The following CUX1 variants were observed in gnomAD, a reference collection of about 807,000 sequenced individuals.
CUX1 encodes the protein cut like homeobox 1.
CUX1 carries 31 observed loss-of-function variants against 158.8 expected under a neutral mutation model. The ratio of observed to expected loss-of-function variants is 0.20; its 90% CI spans 0.15 to 0.26. CUX1 has a LOEUF of 0.26. Among genes scored for constraint, CUX1 ranks in the 10% least tolerant of loss-of-function variants. CUX1 has a pLI of 1.00. For synonymous variants in CUX1, 879 were observed against 862.1 expected, an observed-to-expected ratio of 1.02 and a Z score of -0.34; for missense variants, 1,589 against 2,014.6, an observed-to-expected ratio of 0.79 and a Z score of 4.04.
intron 3 of CUX1, among the ~76,000 whole-genome samples, chr7:102,069,779 T>C (rs188627592): frequency 6.6e-6 from 1 of 152,302 alleles, no homozygotes; most frequent in East Asian, 1.9e-4. Flanking sequence ...AATTCTTTGC[T>C]CCTGGGATTT....
chr7:101,965,703 G>A lies in CUX1; in HGVS notation c.141+49478G>A, dbSNP rs1327340565. On this transcript the variant is annotated intron_variant, in intron 2 of 23. Transcript: ENST00000292535. ...TCTACTAAAAATACAAAAAAAATTA[G>A]CGGGGCGTGGTGGCAGGCGCCTGTA... Among the ~76,000 whole-genome samples, 4 of 151,682 alleles carry A rather than the reference G, an allele frequency of 2.6e-5. No homozygotes were observed. The East Asian group carries it at 5.8e-4, about 22-fold the overall frequency.
At chr7:101,820,099 G>C (rs1165354122) in intron 1 of CUX1, among the ~76,000 whole-genome samples, 1 of 152,202 alleles carries the variant, frequency 6.6e-6, no homozygotes, top group East Asian at 1.9e-4. Context: ...TGTGCTCTCT[G>C]ATTCCCTTCT....
chr7:102,096,685 G>A (rs376007372), intron 4 of CUX1, among the ~76,000 whole-genome samples: 6 of 152,230 alleles, frequency 3.9e-5, no homozygotes, highest in East Asian at 3.9e-4. Flanking sequence ...CAGCCTGGGC[G>A]ACAGAGTGAG....
chr7:101,857,772 T>C (rs529201948), intron 1 of CUX1, among the ~76,000 whole-genome samples: 7 of 152,138 alleles, frequency 4.6e-5, no homozygotes, highest in African/African-American at 1.7e-4. Flanking sequence ...GGGAATTTTT[T>C]TCCCCCCTTA....
chr7:101,987,391 G>A (rs1459699320), intron 2 of CUX1, among the ~76,000 whole-genome samples: 2 of 152,226 alleles, frequency 1.3e-5, no homozygotes, highest in Non-Finnish European at 1.5e-5. Flanking sequence ...TGGCGACAGT[G>A]ACTCAGCTTC....
At chr7:102,200,592 C>T (rs148680515) in intron 17 of CUX1, among the ~76,000 whole-genome samples, 3 of 152,032 alleles carry the variant, frequency 2.0e-5, no homozygotes. Flanking sequence ...CCTCCCACCT[C>T]GGCCTCCCAC....
intron 1 of CUX1, among the ~76,000 whole-genome samples, chr7:101,902,405 C>T (rs6465836): frequency 0.43 from 64,710 of 152,006 alleles, 14,395 homozygotes; most frequent in African/African-American, 0.52. Flanking sequence ...TCTACCCGCC[C>T]CAGCAAATAT....
intron 1 of CUX1, among the ~76,000 whole-genome samples, chr7:101,912,946 C>T (rs1472104763): frequency 6.6e-6 from 1 of 152,160 alleles, no homozygotes; most frequent in East Asian, 1.9e-4. Flanking sequence ...ATTTGGGACC[C>T]CCACCTCCAC....
intron 7 of CUX1, chr7:102,112,082 G>T: frequency 2.0e-5 from 4 of 202,128 alleles, no homozygotes; most frequent in Admixed American, 6.1e-5. Flanking sequence ...GTCAAGGACT[G>T]ACATTTCATT....
chr7:101,949,909 A>G (rs1031108463), intron 2 of CUX1, among the ~76,000 whole-genome samples: 5 of 152,238 alleles, frequency 3.3e-5, no homozygotes, highest in Non-Finnish European at 5.9e-5. Flanking sequence ...TGAAGGAGGC[A>G]GGAGTTCTTG....
chr7:102,204,562 G>T lies in CUX1; in HGVS notation c.3073+6G>T, dbSNP rs782036127. On this transcript the variant is annotated splice_donor_region_variant and intron_variant, in intron 19 of 23. Transcript: ENST00000292535. ...GGGCCAGCAGCAAGGGCCAGGTAAT[G>T]GGGGTCCTGCCACAGGAGAGGGGCT... 2.5e-6 allele frequency: 4 copies of T among 1,612,234 alleles called. No individual in the cohort carries two copies. Among genetic ancestry groups the T allele is most frequent in the Non-Finnish European group, 3.4e-6 (4 of 1,179,156 alleles).
chr7:101,925,917 C>G (rs1040580513), intron 2 of CUX1, among the ~76,000 whole-genome samples: 1 of 151,880 alleles, frequency 6.6e-6, no homozygotes, highest in African/African-American at 2.4e-5. Context: ...ATGTGGGTGA[C>G]AGAGTTATAA....
At chr7:102,157,332 A>G (rs2131562663) in intron 8 of CUX1, among the ~76,000 whole-genome samples, 1 of 152,232 alleles carries the variant, frequency 6.6e-6, no homozygotes, top group South Asian at 2.1e-4. Context: ...ATGCTAAAAA[A>G]AAAAACCTTC....
chr7:102,269,595 T>TC (rs1491533552), intron 14 of CUX1, among the ~76,000 whole-genome samples: 1 of 131,646 alleles, frequency 7.6e-6, no homozygotes, highest in Non-Finnish European at 1.7e-5. Flanking sequence ...TTTTTTTTTT[T>TC]GTATTTTTAG....
At chr7:102,091,173 A>G (rs1340529346) in intron 4 of CUX1, among the ~76,000 whole-genome samples, 1 of 152,356 alleles carries the variant, frequency 6.6e-6, no homozygotes, top group South Asian at 2.1e-4. Flanking sequence ...TTTCCTCAAC[A>G]AGCATTAAAG....
chr7:102,170,472 G>A lies in CUX1; in HGVS notation c.750G>A (p.Ala250=), dbSNP rs540526657. 4.4e-6 allele frequency: 7 copies of A among 1,590,810 alleles called. No individual in the cohort carries two copies. Among genetic ancestry groups the A allele is most frequent in the African/African-American group, 2.7e-5 (2 of 74,372 alleles). The stretch of plus-strand genomic sequence containing the variant: ...GGGCAGAGGTGGCTCAGAGAGAGGC[G>A]GAGACCTTAAGGGAACAGCTCTCAT... ...NQRAEVAQRE[A]ETLREQLSSA... is the part of the protein sequence containing the mutation. Residue 250 remains alanine (A), a synonymous_variant, in exon 10 of 24, where the codon GCG becomes GCA. Coordinates refer to ENST00000292535, the MANE Select transcript of CUX1 (RefSeq NM_181552.4).
At position 102,235,798 on chromosome 7, in the gene CUX1, A is replaced by ACACACG. The variant is rs1554532576; in HGVS notation, c.3622+1559_3622+1560insACACGC. Reference sequence around the variant, plus strand: ...CCCCGCCACACACACACACACACACACGCGCACACAACATCTGAGCCAGGG... The same window carrying ACACACG: ...CCCCGCCACACACACACACACACACACACACGCGCGCACACAACATCTGAGCCAGGG... On this transcript the variant is annotated intron_variant, in intron 22 of 23. Transcript: ENST00000292535. Among the ~76,000 whole-genome samples the ACACACG allele has an allele frequency of 1.5e-4, 21 of 135,576 alleles. 1 individual carries two copies. Among genetic ancestry groups the ACACACG allele is most frequent in the Non-Finnish European group, 2.5e-4 (16 of 64,402 alleles). 88.9% of individuals were successfully genotyped at this position (135,576 alleles called of 152,430 possible).
At chr7:101,983,958 C>T (rs1042997883) in intron 2 of CUX1, among the ~76,000 whole-genome samples, 11 of 150,336 alleles carry the variant, frequency 7.3e-5, no homozygotes, top group Admixed American at 3.3e-4. Flanking sequence ...CGCTTGAACC[C>T]GGGAGGCAGA....
At chr7:102,205,478 G>C (rs1488924998) in intron 20 of CUX1, among the ~76,000 whole-genome samples, 1 of 152,194 alleles carries the variant, frequency 6.6e-6, no homozygotes, top group Admixed American at 6.5e-5. Context: ...GGGGCTTACC[G>C]TCTGATAGGA....
Sources: gnomAD v4.1 joint callset for allele counts (sites outside exome capture counted in the v4.1 genomes callset) on GRCh38, gnomAD v4.1.1 for gene constraint, MANE v1.5 for transcripts, NCBI Gene and HGNC (gene_info 2026-07-23, HGNC 2026-07-21) for gene names.